PHACTR2: variants seen among roughly 807,000 people sequenced by gnomAD.
PHACTR2 encodes phosphatase and actin regulator 2, also known as chromosome 6 open reading frame 56.
A neutral mutation model predicts 76.0 loss-of-function variants in PHACTR2; 30 were observed. The observed-to-expected ratio is 0.39, with a 90% CI of 0.30 to 0.54. PHACTR2 has a LOEUF of 0.54. Ranked by LOEUF, PHACTR2 falls within the 20% of genes least tolerant of loss-of-function variation. The pLI, the probability that PHACTR2 is intolerant of heterozygous loss-of-function variation, is 0.61. For missense variants in PHACTR2, 696 were observed against 781.1 expected (o/e 0.89, Z 1.30); for synonymous variants, 292 against 292.5 (o/e 1.00, Z 0.02).
At chr6:143,732,130 G>T (rs537315623) in intron 2 of PHACTR2, among the ~76,000 whole-genome samples, 1 of 152,078 alleles carries the variant, frequency 6.6e-6, no homozygotes, top group South Asian at 2.1e-4. Context: ...AAATTAAATG[G>T]CCTTGTTGAC....
At position 143,819,673 on chromosome 6, in the gene PHACTR2, C is replaced by T. The variant is rs1476275753; in HGVS notation, c.1923-4001C>T. 6.6e-6 allele frequency among the ~76,000 whole-genome samples: 1 copy of T among 152,092 alleles called. No homozygotes were observed. Among genetic ancestry groups the T allele is most frequent in the Non-Finnish European group, 1.5e-5 (1 of 68,012 alleles). On this transcript the variant is annotated intron_variant, in intron 12 of 12. Transcript: ENST00000440869. This position sits in a 1 kb window ranked among gnomAD's most constrained non-coding sequence, Gnocchi z 5.0. The stretch of plus-strand genomic sequence containing the variant: ...GACAAGAGAGGAAGAGCATGTATCC[C>T]AGCTCCAGTAGATAGATTGACATAG...
chr6:143,601,894 A>T (rs1042348287), intron 1 of PHACTR2, among the ~76,000 whole-genome samples: 3 of 152,174 alleles, frequency 2.0e-5, no homozygotes, highest in Admixed American at 6.5e-5. Context: ...TTTTTAAAAA[A>T]TTTTTAATTA....
intron 1 of PHACTR2, among the ~76,000 whole-genome samples, chr6:143,691,502 T>C (rs1777643634): frequency 6.6e-6 from 1 of 152,242 alleles, no homozygotes; most frequent in Non-Finnish European, 1.5e-5. Flanking sequence ...ACCTGTTTGC[T>C]TTTATGTACA....
Position 143,619,409 on chromosome 6 carries a change from G to T in PHACTR2, c.13+11087G>T, listed in dbSNP as rs759645217. On this transcript the variant is annotated intron_variant, in intron 1 of 11. Transcript: ENST00000305766. The surrounding 1 kb of genome is among the most constrained non-coding windows in gnomAD (Gnocchi z 4.5). ...AGACAAAATAGGTTTCTACTGTTTC[G>T]TGTGCTATTAAGATACTTGCTTATT... Among the ~76,000 whole-genome samples, 3 of 152,218 alleles carry T rather than the reference G, an allele frequency of 2.0e-5. No individual in the cohort carries two copies. The highest frequency in any genetic ancestry group is 2.0e-4 in the Admixed American group (3 of 15,286).
At chr6:143,721,436 TA>T (rs1295475222) in intron 2 of PHACTR2, among the ~76,000 whole-genome samples, 1 of 152,212 alleles carries the variant, frequency 6.6e-6, no homozygotes, top group Non-Finnish European at 1.5e-5. Flanking sequence ...CAATTGAAAT[TA>T]AGAATTTTTG....
rs56781620 is a variant in PHACTR2, at chr6:143,770,549, C to CTGTT, written c.1233-1706_1233-1703dup. On this transcript the variant is annotated intron_variant, in intron 6 of 12. Transcript: ENST00000440869. ...AATAAAAATGAGATTTCCTATTTCC[C>CTGTT]TGTTTGAGAACAAGAATATAGTCTG... Among the ~76,000 whole-genome samples the CTGTT allele has an allele frequency of 6.7e-3, 1,019 of 152,218 alleles. 11 individuals are homozygous for CTGTT. Among genetic ancestry groups the CTGTT allele is most frequent in the African/African-American group, 0.022 (902 of 41,522 alleles).
chr6:143,785,716 T>A (rs1359900466), intron 10 of PHACTR2, among the ~76,000 whole-genome samples: 1 of 152,198 alleles, frequency 6.6e-6, no homozygotes, highest in African/African-American at 2.4e-5. Flanking sequence ...AACCTCAGTT[T>A]CTGACTTCTT....
rs916962354 is a variant in PHACTR2, at chr6:143,627,115, G to A, written c.13+18793G>A. ...TGAGACATAGAACTGGAAGTGCTTA[G>A]GTATCTATGAACCAAACAAGTTAGA... On this transcript the variant is annotated intron_variant, in intron 1 of 11. Transcript: ENST00000305766. This position sits in a 1 kb window ranked among gnomAD's most constrained non-coding sequence, Gnocchi z 4.3. Among the ~76,000 whole-genome samples, 1 of 152,124 alleles carries A rather than the reference G, an allele frequency of 6.6e-6. No homozygotes were observed. Among genetic ancestry groups the A allele is most frequent in the Non-Finnish European group, 1.5e-5 (1 of 68,028 alleles).
At chr6:143,778,771 T>C (rs983502060) in intron 9 of PHACTR2, among the ~76,000 whole-genome samples, 1 of 152,200 alleles carries the variant, frequency 6.6e-6, no homozygotes, top group Non-Finnish European at 1.5e-5. Context: ...TCTTACTGGA[T>C]GCCTGATCCA....
rs1461269575 is a variant in PHACTR2 at position 143,558,306 on chromosome 6, G to C, written c.217+21099G>C. On this transcript the variant is annotated intron_variant, in intron 1 of 11. Coordinates refer to the PHACTR2 transcript ENST00000367584. The surrounding 1 kb of genome is among the most constrained non-coding windows in gnomAD (Gnocchi z 4.7). ...AATATTGTGGTTGTGTTTTAAGAAA[G>C]AGTTTTCCCCTATTTACATGTAAAA... Among the ~76,000 whole-genome samples the C allele has an allele frequency of 6.6e-6, 1 of 152,100 alleles. No homozygotes were observed. Among genetic ancestry groups the C allele is most frequent in the African/African-American group, 2.4e-5 (1 of 41,428 alleles).
intron 1 of PHACTR2, among the ~76,000 whole-genome samples, chr6:143,644,814 G>A (rs1776630129): frequency 6.8e-6 from 1 of 146,834 alleles, no homozygotes; most frequent in African/African-American, 2.5e-5. Context: ...TGTTTTTTCT[G>A]TTTTTTGATA....
At position 143,804,780 on chromosome 6, in the gene PHACTR2, A is replaced by G. The variant is rs1258599559; in HGVS notation, c.1846-2277A>G. 6.6e-5 allele frequency among the ~76,000 whole-genome samples: 10 copies of G among 152,250 alleles called. No individual in the cohort carries two copies. The East Asian group carries it at 1.9e-3, about 29-fold the overall frequency. ...ACTTTATCTTATTCATGGTTAAGTC[A>G]ACTTCGGTGGCATTATCTTCTTCCA... On this transcript the variant is annotated intron_variant, in intron 11 of 12. Transcript: ENST00000440869.
rs186463242 is a variant in PHACTR2, at chr6:143,695,936, C to T, written c.47-16080C>T. Among the ~76,000 whole-genome samples the T allele has an allele frequency of 1.2e-3, 189 of 152,328 alleles. No homozygotes were observed. The highest frequency in any genetic ancestry group is 2.2e-3 in the Non-Finnish European group (147 of 68,034). On this transcript the variant is annotated intron_variant, in intron 1 of 12. Transcript: ENST00000440869. This position sits in a 1 kb window ranked among gnomAD's most constrained non-coding sequence, Gnocchi z 4.4. ...CAACAATTTGTATCTGACTAAATAG[C>T]GCCTAATCAGTTTCACCTTGATTTA...
chr6:143,624,907 G>A lies in PHACTR2; in HGVS notation c.13+16585G>A, dbSNP rs1264047160. On this transcript the variant is annotated intron_variant, in intron 1 of 11. Transcript: ENST00000305766. This position sits in a 1 kb window ranked among gnomAD's most constrained non-coding sequence, Gnocchi z 4.6. ...ACGGTGCCTCACACCTGTAATCCCA[G>A]TACTTTGGGAGGCCGAGGCGGGCGG... 5.3e-5 allele frequency among the ~76,000 whole-genome samples: 8 copies of A among 152,140 alleles called. No individual in the cohort carries two copies. The highest frequency in any genetic ancestry group is 1.0e-4 in the Non-Finnish European group (7 of 68,012).
chr6:143,543,938 C>G lies in PHACTR2; in HGVS notation c.217+6731C>G, dbSNP rs1004848417. Among the ~76,000 whole-genome samples, 6 of 152,210 alleles carry G rather than the reference C, an allele frequency of 3.9e-5. No individual in the cohort carries two copies. The East Asian group carries it at 1.2e-3, about 29-fold the overall frequency. On this transcript the variant is annotated intron_variant, in intron 1 of 11. Transcript: ENST00000367584. The surrounding 1 kb of genome is among the most constrained non-coding windows in gnomAD (Gnocchi z 4.7). ...ACTGTCAGGGCTCAGAAAACAATACCGCAAAGCGTGGTGCTTTGATGTGCT... is the reference window on the plus strand; with the variant it reads ...ACTGTCAGGGCTCAGAAAACAATACGGCAAAGCGTGGTGCTTTGATGTGCT...
intron 2 of PHACTR2, among the ~76,000 whole-genome samples, chr6:143,725,445 C>T (rs531569990): frequency 2.0e-5 from 3 of 149,736 alleles, no homozygotes; most frequent in Non-Finnish European, 4.4e-5. Flanking sequence ...CGTGATCCGC[C>T]CACTTCAGCC....
In PHACTR2 at chr6:143,658,892, G is replaced by A. The variant is rs34775537; in HGVS notation, c.13+50570G>A. On this transcript the variant is annotated intron_variant, in intron 1 of 11. Coordinates refer to the PHACTR2 transcript ENST00000305766. The surrounding 1 kb of genome is among the most constrained non-coding windows in gnomAD (Gnocchi z 4.1). ...ATACAAAACTTAGCCGGTCAGGGTG[G>A]CATGCGCCTATAATCTCAGCTGCTC... Among the ~76,000 whole-genome samples, 24,249 of 151,894 alleles carry A rather than the reference G, an allele frequency of 0.16. 2,236 individuals are homozygous for A. Among genetic ancestry groups the A allele is most frequent in the Middle Eastern group, 0.24 (70 of 292 alleles).
chr6:143,635,260 A>G lies in PHACTR2; in HGVS notation c.13+26938A>G, dbSNP rs143495083. Among the ~76,000 whole-genome samples, 209 of 151,950 alleles carry G rather than the reference A, an allele frequency of 1.4e-3. 2 individuals are homozygous for G. The highest frequency in any genetic ancestry group is 4.8e-3 in the African/African-American group (199 of 41,412). On this transcript the variant is annotated intron_variant, in intron 1 of 11. Transcript: ENST00000305766. The stretch of plus-strand genomic sequence containing the variant: ...ACATGGATATTTTAAATACTATTCC[A>G]TTATTTGCATGTACTCAAATGCATT...
At chr6:143,748,942 A>G in intron 2 of PHACTR2, 43 bp from the exon 3 acceptor site, 1 of 982,054 alleles carries the variant, frequency 1.0e-6, no homozygotes. Flanking sequence ...TAATTATCTT[A>G]AGGAATGACT....
Sources: allele counts gnomAD v4.1 joint callset (sites outside exome capture counted in the v4.1 genomes callset), GRCh38; gene constraint gnomAD v4.1.1; non-coding constraint Gnocchi (gnomAD v3.1); transcripts MANE v1.5; gene names NCBI Gene and HGNC (gene_info 2026-07-23, HGNC 2026-07-21).